The following RAB40C variants were observed in gnomAD, a reference collection of about 807,000 sequenced individuals.
RAB40C encodes the protein RAB40C, member RAS oncogene family.
Under a neutral mutation model 28.1 loss-of-function variants are expected in RAB40C, and 8 were observed. That is an observed-to-expected ratio of 0.28 (90% CI 0.17 to 0.51). RAB40C has a LOEUF of 0.51. Ranked by LOEUF, RAB40C falls within the 20% of genes least tolerant of loss-of-function variation. The pLI is 0.97. For missense variants in RAB40C, 288 were observed against 405.9 expected, an observed-to-expected ratio of 0.71 and a Z score of 2.50; for synonymous variants, 201 against 171.7, an observed-to-expected ratio of 1.17 and a Z score of -1.34.
At chr16:615,072 C>A (rs138448913) in intron 1 of RAB40C, among the ~76,000 whole-genome samples, 1 of 152,332 alleles carries the variant, frequency 6.6e-6, no homozygotes, top group East Asian at 1.9e-4. Flanking sequence ...TCCGTCCATC[C>A]TAAAATTGGG....
rs565743792 is a variant in RAB40C at position 611,370 on chromosome 16, G to A, written c.143-5838G>A. ...GCCACATTGGCACGTCGAGGTGACC[G>A]TCAAGGAGAAGCAGCTATGGCCTTT... On this transcript the variant is annotated intron_variant, in intron 1 of 5. Coordinates refer to ENST00000248139, the MANE Select transcript of RAB40C (RefSeq NM_021168.5). Among the ~76,000 whole-genome samples the A allele has an allele frequency of 6.6e-5, 10 of 152,342 alleles. No individual in the cohort carries two copies. In the East Asian group the frequency reaches 7.7e-4, roughly 12 times the overall value.
intron 1 of RAB40C, among the ~76,000 whole-genome samples, chr16:608,475 C>T (rs763233098): frequency 1.3e-5 from 2 of 152,218 alleles, no homozygotes; most frequent in Non-Finnish European, 2.9e-5. Context: ...CTGGGAGGCC[C>T]AGGATGCTGG....
intron 1 of RAB40C, among the ~76,000 whole-genome samples, chr16:600,056 C>T (rs886139360): frequency 3.9e-5 from 6 of 151,932 alleles, no homozygotes; most frequent in Non-Finnish European, 8.8e-5. Flanking sequence ...CATCAGTCAG[C>T]GTGGATTTGC....
intron 1 of RAB40C, among the ~76,000 whole-genome samples, chr16:592,147 C>T (rs753759258): frequency 8.5e-5 from 13 of 152,234 alleles, no homozygotes; most frequent in African/African-American, 2.2e-4. Flanking sequence ...TCTACGCTGG[C>T]GAACTTACCT....
In RAB40C at chr16:626,046, A is replaced by G; in HGVS notation, c.490A>G (p.Ile164Val). The change falls in exon 5 of 6, where the codon ATC becomes GTC. Residue 164 changes from isoleucine to valine, a missense_variant. By Grantham distance (29) the Ile-to-Val change is conservative. Around this residue, in one of 3 missense-constraint regions of RAB40C, gnomAD observed 153 missense variants for 262.4 expected, o/e 0.58. Coordinates refer to ENST00000248139, the MANE Select transcript of RAB40C (RefSeq NM_021168.5). ...CAGCCCCCTGTGCAACTTCAACGTC[A>G]TCGAGTCCTTCACGGAGCTATCCCG... The part of the protein sequence containing the change: ...EVSPLCNFNV[I>V]ESFTELSRIV... The G allele has an allele frequency of 6.2e-7, 1 of 1,613,420 alleles. No individual in the cohort carries two copies. The highest frequency in any genetic ancestry group is 1.7e-5 in the Admixed American group (1 of 60,026).
intron 3 of RAB40C, among the ~76,000 whole-genome samples, chr16:621,036 C>T (rs968441742): frequency 6.6e-6 from 1 of 152,266 alleles, no homozygotes; most frequent in African/African-American, 2.4e-5. Flanking sequence ...GCATCTGGCA[C>T]AACTGGTTAT....
At chr16:606,078 T>C (rs1827001181) in intron 1 of RAB40C, among the ~76,000 whole-genome samples, 1 of 152,270 alleles carries the variant, frequency 6.6e-6, no homozygotes, top group African/African-American at 2.4e-5. Flanking sequence ...ATGGCCTTTC[T>C]ACTCCTTTTC....
chr16:625,845 T>G, intron 4 of RAB40C, 54 bp from the exon 5 acceptor site: 1 of 1,502,746 alleles, frequency 6.7e-7, no homozygotes, highest in Non-Finnish European at 9.1e-7. Flanking sequence ...CTGCTGCGGC[T>G]GAGGGGTGGG....
intron 3 of RAB40C, among the ~76,000 whole-genome samples, chr16:621,826 G>T (rs1247251302): frequency 6.6e-6 from 1 of 152,260 alleles, no homozygotes; most frequent in Non-Finnish European, 1.5e-5. Context: ...TCTGCTTCAG[G>T]ACAAAGGTGT....
At chr16:626,755 C>T (rs937447400) in intron 5 of RAB40C, among the ~76,000 whole-genome samples, 1 of 152,106 alleles carries the variant, frequency 6.6e-6, no homozygotes, top group African/African-American at 2.4e-5. Context: ...CTGGCCAACA[C>T]GGTGAAACCC....
intron 1 of RAB40C, among the ~76,000 whole-genome samples, chr16:615,263 AG>A (rs2036563831): frequency 6.6e-6 from 1 of 152,172 alleles, no homozygotes; most frequent in South Asian, 2.1e-4. Flanking sequence ...GTCAGGCAGA[AG>A]GACGGTGTGG....
chr16:608,227 A>C (rs998126824), intron 1 of RAB40C, among the ~76,000 whole-genome samples: 6 of 152,192 alleles, frequency 3.9e-5, no homozygotes, highest in Non-Finnish European at 8.8e-5. Flanking sequence ...TGAAGGGGGA[A>C]GCCCCTCCTA....
At chr16:623,798 A>G (rs2036771416) in intron 3 of RAB40C, 1 of 252,342 alleles carries the variant, frequency 4.0e-6, no homozygotes, top group Non-Finnish European at 6.3e-6. Flanking sequence ...TGTTTAAAAA[A>G]ACTTAGCCAG....
chr16:596,467 G>A (rs748842232), intron 1 of RAB40C: 43 of 362,768 alleles, frequency 1.2e-4, no homozygotes, highest in Non-Finnish European at 1.8e-4. Context: ...CCACCCCACC[G>A]AGGGCCGTTC....
intron 1 of RAB40C, among the ~76,000 whole-genome samples, chr16:603,271 A>C (rs1018340970): frequency 1.3e-5 from 2 of 152,226 alleles, no homozygotes; most frequent in African/African-American, 4.8e-5. Context: ...GACATTTGGC[A>C]TGCTGGTGTA....
chr16:627,608 T>C lies in RAB40C; in HGVS notation c.832T>C (p.Cys278Arg). The change falls in exon 6 of 6, where the codon TGC (cysteine) becomes CGC (arginine). Residue 278 changes from cysteine to arginine, a missense_variant. By Grantham distance (180) the Cys-to-Arg change is radical. Transcript: ENST00000248139. ...CCCCCAGAACTGCTCGCGGAGTAACTGCAAGATCTCCTAGCGGGGATGGGC... is the reference window on the plus strand; with the variant it reads ...CCCCCAGAACTGCTCGCGGAGTAACCGCAAGATCTCCTAGCGGGGATGGGC... ...SPPQNCSRSN[C>R]KIS 6.3e-7 allele frequency: 1 copy of C among 1,589,760 alleles called. No homozygotes were observed. Among genetic ancestry groups the C allele is most frequent in the Admixed American group, 1.7e-5 (1 of 58,292 alleles).
intron 2 of RAB40C, 144 bp downstream of exon 2, chr16:617,412 TG>T: frequency 1.0e-6 from 1 of 978,944 alleles, no homozygotes; most frequent in Non-Finnish European, 1.6e-6. Context: ...AAACATAGAA[TG>T]GATTTTACTC....
intron 3 of RAB40C, among the ~76,000 whole-genome samples, chr16:623,736 C>T (rs779192205): frequency 2.0e-5 from 3 of 152,008 alleles, no homozygotes; most frequent in Non-Finnish European, 4.4e-5. Context: ...CACTTGAGGC[C>T]AGGGGTTCAA....
chr16:604,734 TAGTG>T (rs2036325404), intron 1 of RAB40C, among the ~76,000 whole-genome samples: 1 of 152,068 alleles, frequency 6.6e-6, no homozygotes, highest in South Asian at 2.1e-4. Flanking sequence ...CTGGGCAACA[TAGTG>T]AGAACTCGTT....
Sources: gnomAD v4.1 joint callset for allele counts (sites outside exome capture counted in the v4.1 genomes callset) on GRCh38, gnomAD v4.1.1 for gene constraint, gnomAD v4.1.1 regional missense constraint, MANE v1.5 for transcripts, NCBI Gene and HGNC (gene_info 2026-07-23, HGNC 2026-07-21) for gene names.